RCC2: variants seen among roughly 807,000 people sequenced by gnomAD.
RCC2 encodes the protein regulator of chromosome condensation 2.
A neutral mutation model predicts 64.1 loss-of-function variants in RCC2; 19 were observed. That is an observed-to-expected ratio of 0.30 (90% CI 0.21 to 0.44). RCC2 has a LOEUF of 0.44. RCC2 is among the 20% of genes least tolerant of loss of function. The probability of loss-of-function intolerance (pLI) is 1.00; values close to 1 mark genes in which losing one functional copy is unlikely to be tolerated. For missense variants in RCC2, 508 were observed against 710.4 expected (o/e 0.72, Z 3.24); for synonymous variants, 325 against 279.6 (o/e 1.16, Z -1.62).
At position 17,415,728 on chromosome 1, in the gene RCC2, T is replaced by C. The variant is rs58250073; in HGVS notation, c.1026+752A>G. On this transcript the variant is annotated intron_variant, in intron 8 of 12. Transcript: ENST00000375436. ...CCGCCTCAAATAAAAAAAAAAAAGA[T>C]ACACAAACAAAAGATTGCACTGCAG... Among the ~76,000 whole-genome samples the C allele has an allele frequency of 3.9e-3, 579 of 149,430 alleles. 4 individuals are homozygous for C. Among genetic ancestry groups the C allele is most frequent in the African/African-American group, 0.014 (557 of 40,638 alleles).
intron 2 of RCC2, among the ~76,000 whole-genome samples, chr1:17,432,648 G>A (rs2075694049): frequency 6.6e-6 from 1 of 152,248 alleles, no homozygotes; most frequent in Non-Finnish European, 1.5e-5. Flanking sequence ...ATGGTTCAGG[G>A]GCAAGTTCAG....
In RCC2 at chr1:17,408,604, G is replaced by A. The variant is rs192050215; in HGVS notation, c.*486C>T. 24 of 159,870 alleles carry A rather than the reference G, an allele frequency of 1.5e-4. No homozygotes were observed. Among genetic ancestry groups the A allele is most frequent in the Admixed American group, 8.6e-4 (14 of 16,322 alleles). 9.9% of individuals were successfully genotyped at this position (159,870 alleles called of 1,614,324 possible). On this transcript the variant is annotated 3_prime_UTR_variant, in exon 13 of 13. Transcript: ENST00000375436. ...TGACCCGGATGCTTCCGAAGCACGC[G>A]AGCGTGATTTTGGATGGAGGCGGGC... is the stretch of plus-strand genomic sequence containing the variant.
At chr1:17,424,752 A>G (rs2075594560) in intron 4 of RCC2, among the ~76,000 whole-genome samples, 1 of 152,238 alleles carries the variant, frequency 6.6e-6, no homozygotes, top group African/African-American at 2.4e-5. Flanking sequence ...ACAAACGCCA[A>G]TATGCCCCGC....
In RCC2 at chr1:17,416,559, A is replaced by G. The variant is rs963314467; in HGVS notation, c.947T>C (p.Ile316Thr). The G allele has an allele frequency of 1.1e-5, 17 of 1,613,958 alleles. No individual in the cohort carries two copies. The highest frequency in any genetic ancestry group is 5.3e-5 in the African/African-American group (4 of 74,934). The change falls in exon 8 of 13, where the codon ATT (isoleucine) becomes ACT (threonine). Residue 316 changes from isoleucine (I) to threonine (T), a missense_variant. Ile to Thr is a moderately conservative substitution (Grantham distance 89). Coordinates refer to ENST00000375436, the MANE Select transcript of RCC2 (RefSeq NM_018715.4). Reference protein sequence around the residue: ...ELVPRRVAIFIEKTKDGQILP... With the variant: ...ELVPRRVAIFTEKTKDGQILP... ...AATCTGTCCATCTTTCGTCTTCTCA[A>G]TGAAGATGGCCACTCGCCGGGGAAC...
rs951742583 is a variant in RCC2, at chr1:17,438,340, G to A, written c.175C>T (p.Leu59Phe). ...GSSGDEDGLE[L>F]DGAPGGGKRA... is the part of the protein sequence containing the mutation. ...TTGCCCCCGCCGGGGGCCCCGTCGA[G>A]CTCCAGGCCGTCCTCGTCGCCGCTG... The change falls in exon 2 of 13, where the codon CTC becomes TTC. Residue 59 changes from leucine to phenylalanine, a missense_variant. By Grantham distance (22) the Leu-to-Phe change is conservative (BLOSUM62 0). Around this residue, in one of 4 missense-constraint regions of RCC2, gnomAD observed 195 missense variants for 158.3 expected, o/e 1.23. Transcript: ENST00000375436. 3.2e-6 allele frequency: 4 copies of A among 1,244,614 alleles called. No homozygotes were observed. Among genetic ancestry groups the A allele is most frequent in the Non-Finnish European group, 3.0e-6 (3 of 993,374 alleles). 77.1% of individuals were successfully genotyped at this position (1,244,614 alleles called of 1,614,324 possible).
chr1:17,421,178 C>T (rs898066212), intron 6 of RCC2, among the ~76,000 whole-genome samples: 1 of 151,922 alleles, frequency 6.6e-6, no homozygotes, highest in Middle Eastern at 3.4e-3. Flanking sequence ...GTATAAATCT[C>T]ACCCCTCCAA....
At chr1:17,409,220 G>T in intron 12 of RCC2, 26 bp from the exon 13 acceptor site, 1 of 1,464,848 alleles carries the variant, frequency 6.8e-7, no homozygotes, top group Non-Finnish European at 9.6e-7. Flanking sequence ...AGCGTTGGGT[G>T]TGCCTGAGGC....
chr1:17,429,021 G>A lies in RCC2; in HGVS notation c.379+85C>T. 4 of 1,046,466 alleles carry A rather than the reference G, an allele frequency of 3.8e-6. No homozygotes were observed. The Admixed American group carries it at 7.0e-5, about 18-fold the overall frequency. 64.8% of individuals were successfully genotyped at this position (1,046,466 alleles called of 1,614,324 possible). On this transcript the variant is annotated intron_variant, in intron 3 of 12. Transcript: ENST00000375436. ...CCTCTGTGAAAATGCATTTGTAAATGAAGGGAATACCTACCAGGCAGGTGG... is the reference window on the plus strand; with the variant it reads ...CCTCTGTGAAAATGCATTTGTAAATAAAGGGAATACCTACCAGGCAGGTGG...
chr1:17,438,580 G>T (rs1285439941), intron 1 of RCC2, 58 bp from the exon 2 acceptor site: 3 of 1,271,022 alleles, frequency 2.4e-6, no homozygotes, highest in Admixed American at 3.2e-5. Context: ...TGCGCGGGGG[G>T]AGGGGAGCGG....
intron 2 of RCC2, among the ~76,000 whole-genome samples, chr1:17,436,661 T>C (rs1336735749): frequency 6.6e-6 from 1 of 152,216 alleles, no homozygotes; most frequent in African/African-American, 2.4e-5. Flanking sequence ...TAAGGATCTT[T>C]TGCTCTGATG....
At position 17,408,886 on chromosome 1, in the gene RCC2, A is replaced by G. The variant is rs561856866; in HGVS notation, c.*204T>C. 2 of 529,338 alleles carry G rather than the reference A, an allele frequency of 3.8e-6. No homozygotes were observed. The highest frequency in any genetic ancestry group is 6.1e-5 in the South Asian group (2 of 33,034). The allele number at this position is 529,338 out of a possible 1,614,324, so 32.8% of individuals were successfully genotyped here. On this transcript the variant is annotated 3_prime_UTR_variant, in exon 13 of 13. Coordinates refer to ENST00000375436, the MANE Select transcript of RCC2 (RefSeq NM_018715.4). ...AGTATTTTAATTCAACATTAAGGGA[A>G]AAAAAAGGACTTTGGAAAGCATACA...
chr1:17,416,399 G>C, intron 8 of RCC2, 81 bp downstream of exon 8: 1 of 1,475,684 alleles, frequency 6.8e-7, no homozygotes, highest in Non-Finnish European at 9.2e-7. Flanking sequence ...CCTAGCCAAA[G>C]CCAAGCGTCA....
chr1:17,425,442 T>G, intron 4 of RCC2, 99 bp downstream of exon 4: 1 of 1,268,326 alleles, frequency 7.9e-7, no homozygotes, highest in Non-Finnish European at 1.1e-6. Flanking sequence ...CCCAGCCTTA[T>G]AAGACGCGAG....
rs536139965 is a variant in RCC2, at chr1:17,412,216, C to T, written c.1314-22G>A. On this transcript the variant is annotated intron_variant, in intron 10 of 12. Coordinates refer to ENST00000375436, the MANE Select transcript of RCC2 (RefSeq NM_018715.4). ...CTTCCTGCAAACAGGCAGGCTGTCA[C>T]TGCAGGGCCAGCAGCCCCAGACCTG... The T allele has an allele frequency of 4.0e-5, 64 of 1,613,508 alleles. No homozygotes were observed. In the South Asian group the frequency reaches 6.2e-4, roughly 16 times the overall value.
chr1:17,427,906 T>A (rs1419922284), intron 3 of RCC2, among the ~76,000 whole-genome samples: 1 of 152,062 alleles, frequency 6.6e-6, no homozygotes, highest in East Asian at 1.9e-4. Context: ...AGAAGTCAAT[T>A]CCCACGGCCT....
rs1265674393 is a variant in RCC2, at chr1:17,431,359, A to ATAT, written c.286-2161_286-2160insATA. Among the ~76,000 whole-genome samples the ATAT allele has an allele frequency of 4.2e-4, 19 of 44,930 alleles. 1 individual carries two copies. The highest frequency in any genetic ancestry group is 3.7e-3 in the South Asian group (5 of 1,366). 29.5% of individuals were successfully genotyped at this position (44,930 alleles called of 152,430 possible). ...AAAAAAAAAAAAAAAAAAAAAAAAAAATATATATATATATATATATATGTG... is the reference window on the plus strand; with the variant it reads ...AAAAAAAAAAAAAAAAAAAAAAAAAATATATATATATATATATATATATATGTG... On this transcript the variant is annotated intron_variant, in intron 2 of 12. Transcript: ENST00000375436.
chr1:17,438,031 C>A (rs1340858591), intron 2 of RCC2, among the ~76,000 whole-genome samples, 199 bp downstream of exon 2: 1 of 146,580 alleles, frequency 6.8e-6, no homozygotes, highest in African/African-American at 2.5e-5. Flanking sequence ...TCGGGTAGGC[C>A]GCGGGCCGCG....
chr1:17,436,053 G>C (rs140222419), intron 2 of RCC2, among the ~76,000 whole-genome samples: 1 of 152,140 alleles, frequency 6.6e-6, no homozygotes, highest in Non-Finnish European at 1.5e-5. Flanking sequence ...CCAAAGGATG[G>C]GCATCATGGG....
chr1:17,436,036 C>T (rs992984719), intron 2 of RCC2, among the ~76,000 whole-genome samples: 1 of 152,040 alleles, frequency 6.6e-6, no homozygotes, highest in Non-Finnish European at 1.5e-5. Context: ...AGAACAGCAC[C>T]GACAGCCCAA....
Sources: gnomAD v4.1 joint callset for allele counts (sites outside exome capture counted in the v4.1 genomes callset) on GRCh38, gnomAD v4.1.1 for gene constraint, gnomAD v4.1.1 regional missense constraint, MANE v1.5 for transcripts, NCBI Gene and HGNC (gene_info 2026-07-23, HGNC 2026-07-21) for gene names.